XDH: variants seen among roughly 807,000 people sequenced by gnomAD.
XDH encodes the protein xanthine dehydrogenase.
In XDH, 138 loss-of-function variants were observed where a neutral mutation model predicts 156.1. That is an observed-to-expected ratio of 0.88 (90% CI 0.77 to 1.02). The LOEUF (loss-of-function observed/expected upper bound fraction) is 1.02. Among genes scored for constraint, XDH ranks in the 50% least tolerant of loss-of-function variants. The probability of loss-of-function intolerance (pLI) is 0.00; values close to 1 mark genes in which losing one functional copy is unlikely to be tolerated. For synonymous variants in XDH, 669 were observed against 625.7 expected, an observed-to-expected ratio of 1.07 and a Z score of -1.03; for missense variants, 1,849 against 1,684.9, an observed-to-expected ratio of 1.10 and a Z score of -1.71.
At chr2:31,367,109 A>T in intron 20 of XDH, 115 bp from the exon 21 acceptor site, 1 of 1,526,022 alleles carries the variant, frequency 6.6e-7, no homozygotes, top group Non-Finnish European at 8.9e-7. Flanking sequence ...TGGCTACCTG[A>T]GGGGTAACCT....
intron 1 of XDH, among the ~76,000 whole-genome samples, chr2:31,412,639 A>G (rs1039711999): frequency 1.7e-4 from 26 of 152,220 alleles, no homozygotes; most frequent in Non-Finnish European, 5.9e-5. Flanking sequence ...AATAATAAAA[A>G]AAAAGAGTCA....
intron 25 of XDH, 85 bp downstream of exon 25, chr2:31,349,947 C>A (rs761433912): frequency 5.0e-6 from 8 of 1,610,986 alleles, no homozygotes; most frequent in South Asian, 1.1e-5. Flanking sequence ...CATCTGCCCC[C>A]ATGGGAGATG....
intron 35 of XDH, among the ~76,000 whole-genome samples, chr2:31,337,197 C>A (rs1366597139): frequency 6.6e-6 from 1 of 152,074 alleles, no homozygotes; most frequent in African/African-American, 2.4e-5. Context: ...ATGATCATCA[C>A]AGGACAAATG....
At chr2:31,402,357 G>T (rs531092408) in intron 3 of XDH, among the ~76,000 whole-genome samples, 1 of 152,150 alleles carries the variant, frequency 6.6e-6, no homozygotes, top group Non-Finnish European at 1.5e-5. Context: ...CTCCTGAACT[G>T]CTTCTAATGT....
Position 31,348,332 on chromosome 2 carries a change from C to G in XDH, c.3083G>C (p.Gly1028Ala), listed in dbSNP as rs571418792. Residue 1028 changes from glycine (G) to alanine (A), a missense_variant, in exon 28 of 36, where the codon GGC becomes GCC. Gly to Ala is a moderately conservative substitution (Grantham distance 60). Coordinates refer to ENST00000379416, the MANE Select transcript of XDH (RefSeq NM_000379.4). ...AGALLHVYTDGSVLLTHGGTE... is the reference protein window; with the variant it reads ...AGALLHVYTDASVLLTHGGTE... ...CCCCCCGTGGGTCAGCAGCACAGAG[C>G]CATCTGTGTACACATGAAGTAGGGC... 6.2e-7 allele frequency: 1 copy of G among 1,614,172 alleles called. No homozygotes were observed. Among genetic ancestry groups the G allele is most frequent in the South Asian group, 1.1e-5 (1 of 91,082 alleles).
At chr2:31,386,389 C>T in intron 9 of XDH, 25 bp downstream of exon 9, 1 of 1,610,100 alleles carries the variant, frequency 6.2e-7, no homozygotes, top group Non-Finnish European at 8.5e-7. Context: ...CCTGGCAGCC[C>T]CAGGGCAGCC....
rs761411018 is a variant in XDH at position 31,397,735 on chromosome 2, G to A, written c.434-6C>T. ...TGTGCAGCGGCACAGATTTCCTGTG[G>A]GCCAAGGAAAAAACTGCAATGTCAG... On this transcript the variant is annotated splice_polypyrimidine_tract_variant and splice_region_variant and intron_variant, in intron 5 of 35. Transcript: ENST00000379416. 1.9e-6 allele frequency: 3 copies of A among 1,614,016 alleles called. No individual in the cohort carries two copies. Among genetic ancestry groups the A allele is most frequent in the Non-Finnish European group, 2.5e-6 (3 of 1,180,018 alleles).
intron 2 of XDH, among the ~76,000 whole-genome samples, chr2:31,404,910 A>G (rs1572571198): frequency 6.6e-6 from 1 of 152,274 alleles, no homozygotes; most frequent in Non-Finnish European, 1.5e-5. Flanking sequence ...GTGTTATAAT[A>G]ATCTTTGCTG....
In XDH at chr2:31,363,866, C is replaced by T. The variant is rs191328488; in HGVS notation, c.2631+292G>A. Among the ~76,000 whole-genome samples, 87 of 152,050 alleles carry T rather than the reference C, an allele frequency of 5.7e-4. 1 individual carries two copies. Among genetic ancestry groups the T allele is most frequent in the Non-Finnish European group, 7.9e-4 (54 of 67,994 alleles). On this transcript the variant is annotated intron_variant, in intron 24 of 35. Transcript: ENST00000379416. ...TTACTGTATATATATATTACTATTC[C>T]ATGCATATGTACACACACACAATGC...
At chr2:31,351,042 A>G (rs1247826391) in intron 24 of XDH, among the ~76,000 whole-genome samples, 1 of 152,048 alleles carries the variant, frequency 6.6e-6, no homozygotes, top group African/African-American at 2.4e-5. Flanking sequence ...TGACTTTTTC[A>G]GTTTTAGACT....
At chr2:31,399,195 T>C (rs1686991180) in intron 4 of XDH, among the ~76,000 whole-genome samples, 1 of 152,204 alleles carries the variant, frequency 6.6e-6, no homozygotes, top group South Asian at 2.1e-4. Context: ...AGGAAGCCAT[T>C]AGGAAAAGAG....
intron 5 of XDH, 32 bp downstream of exon 5, chr2:31,398,541 C>G: frequency 6.2e-7 from 1 of 1,613,308 alleles, no homozygotes; most frequent in South Asian, 1.1e-5. Flanking sequence ...GTTTGCCATT[C>G]CACCTCCTAG....
chr2:31,349,885 C>T (rs1021133467), intron 25 of XDH, 54 bp from the exon 26 acceptor site: 3 of 1,612,424 alleles, frequency 1.9e-6, no homozygotes, highest in Non-Finnish European at 2.5e-6. Context: ...ACTGTGGGGG[C>T]AGGGCACAAC....
Position 31,397,713 on chromosome 2 carries a change from G to A in XDH, c.450C>T (p.Cys150=), listed in dbSNP as rs775406413. The change falls in exon 6 of 36, where the codon TGC becomes TGT. Residue 150 remains cysteine, a synonymous_variant. Transcript: ENST00000379416. Reference sequence around the variant, plus strand: ...CCTGGAGGATGGGTCTGTAGCCTGTGCAGCGGCACAGATTTCCTGTGGGCC... The same window carrying A: ...CCTGGAGGATGGGTCTGTAGCCTGTACAGCGGCACAGATTTCCTGTGGGCC... ...ENAFQGNLCR[C]TGYRPILQGF... 1.9e-6 allele frequency: 3 copies of A among 1,614,220 alleles called. No homozygotes were observed. Among genetic ancestry groups the A allele is most frequent in the Non-Finnish European group, 2.5e-6 (3 of 1,180,034 alleles).
At chr2:31,383,682 A>G (rs1572551512) in intron 10 of XDH, 73 bp downstream of exon 10, 1 of 1,442,532 alleles carries the variant, frequency 6.9e-7, no homozygotes, top group African/African-American at 1.4e-5. Flanking sequence ...CCACCCTGAT[A>G]CCTGCCACCC....
Position 31,335,682 on chromosome 2 carries a change from C to A in XDH, c.*276G>T, listed in dbSNP as rs558236611. The A allele has an allele frequency of 3.8e-5, 21 of 550,802 alleles. No homozygotes were observed. Among genetic ancestry groups the A allele is most frequent in the Non-Finnish European group, 6.2e-5 (19 of 305,750 alleles). The allele number at this position is 550,802 out of a possible 1,614,324, so 34.1% of individuals were successfully genotyped here. On this transcript the variant is annotated 3_prime_UTR_variant, in exon 36 of 36. Transcript: ENST00000379416. ...GGGAATAGCACAAACCCTTCCCGAC[C>A]CTATTCCAGATACATGATTAAAACA... is the stretch of plus-strand genomic sequence containing the variant.
intron 3 of XDH, among the ~76,000 whole-genome samples, chr2:31,402,484 G>C (rs1289012541): frequency 6.6e-6 from 1 of 152,198 alleles, no homozygotes; most frequent in Non-Finnish European, 1.5e-5. Context: ...GCACAGTCAA[G>C]GGGCACCTAA....
At chr2:31,399,709 G>A (rs1214361076) in intron 4 of XDH, among the ~76,000 whole-genome samples, 1 of 152,150 alleles carries the variant, frequency 6.6e-6, no homozygotes, top group Non-Finnish European at 1.5e-5. Flanking sequence ...TCATGGTAGT[G>A]AATAAATCTG....
chr2:31,336,953 C>T (rs1372904772), intron 35 of XDH, among the ~76,000 whole-genome samples: 1 of 150,226 alleles, frequency 6.7e-6, no homozygotes, highest in African/African-American at 2.5e-5. Flanking sequence ...GTTCTGAGAT[C>T]CCCAAAGCGG....
Sources: gnomAD v4.1 joint callset for allele counts (sites outside exome capture counted in the v4.1 genomes callset) on GRCh38, gnomAD v4.1.1 for gene constraint, MANE v1.5 for transcripts, NCBI Gene and HGNC (gene_info 2026-07-23, HGNC 2026-07-21) for gene names.